The following LYST variants were observed in gnomAD, a reference collection of about 807,000 sequenced individuals.
The protein encoded by LYST is lysosomal trafficking regulator.
In LYST, 192 loss-of-function variants were observed where a neutral mutation model predicts 413.6. The observed-to-expected ratio is 0.46, with a 90% CI of 0.41 to 0.52. The LOEUF (loss-of-function observed/expected upper bound fraction) is 0.52. LYST is among the 20% of genes least tolerant of loss of function. The probability of loss-of-function intolerance (pLI) is 0.00; values close to 1 mark genes in which losing one functional copy is unlikely to be tolerated. For missense variants in LYST, 3,815 were observed against 4,499.9 expected (o/e 0.85, Z 4.35); for synonymous variants, 1,525 against 1,567.3 (o/e 0.97, Z 0.64).
intron 20 of LYST, among the ~76,000 whole-genome samples, chr1:235,769,188 T>G (rs1006512003): frequency 6.6e-6 from 1 of 152,018 alleles, no homozygotes; most frequent in Non-Finnish European, 1.5e-5. Flanking sequence ...AAGTCTTAAG[T>G]TGCCACGTGG....
chr1:235,842,508 C>A (rs1677333861), intron 1 of LYST, among the ~76,000 whole-genome samples: 1 of 152,188 alleles, frequency 6.6e-6, no homozygotes, highest in Non-Finnish European at 1.5e-5. Flanking sequence ...CCTATAATGA[C>A]AGAGATTTTG....
At chr1:235,821,876 CTT>C (rs1470888729) in intron 3 of LYST, among the ~76,000 whole-genome samples, 2 of 152,202 alleles carry the variant, frequency 1.3e-5, no homozygotes, top group Admixed American at 6.5e-5. Flanking sequence ...CCATAATACT[CTT>C]TGTTAAGACT....
At chr1:235,726,284 CTA>C (rs1430274933) in intron 38 of LYST, among the ~76,000 whole-genome samples, 1 of 151,844 alleles carries the variant, frequency 6.6e-6, no homozygotes, top group Non-Finnish European at 1.5e-5. Context: ...TTATCCTACT[CTA>C]TGTGTGTTTT....
At chr1:235,811,947 T>C (rs896784778) in intron 4 of LYST, among the ~76,000 whole-genome samples, 2 of 151,938 alleles carry the variant, frequency 1.3e-5, no homozygotes, top group Non-Finnish European at 2.9e-5. Flanking sequence ...AAACCTTAGA[T>C]ACCTCCTTAA....
intron 14 of LYST, among the ~76,000 whole-genome samples, chr1:235,785,574 T>C (rs550845111): frequency 1.3e-5 from 2 of 152,326 alleles, no homozygotes; most frequent in African/African-American, 4.8e-5. Context: ...AGATGATGTA[T>C]ATAAAGCACC....
chr1:235,834,642 T>G (rs1676364482), intron 1 of LYST, among the ~76,000 whole-genome samples: 1 of 152,208 alleles, frequency 6.6e-6, no homozygotes, highest in Admixed American at 6.5e-5. Context: ...TTCTAGGCAC[T>G]TGAAGATAAA....
At chr1:235,768,217 T>G (rs1406143069) in intron 20 of LYST, among the ~76,000 whole-genome samples, 1 of 152,124 alleles carries the variant, frequency 6.6e-6, no homozygotes, top group Non-Finnish European at 1.5e-5. Context: ...CTTATGAAAT[T>G]ATTGTTTTTC....
chr1:235,827,045 A>C (rs1675415449), intron 3 of LYST, among the ~76,000 whole-genome samples: 1 of 152,098 alleles, frequency 6.6e-6, no homozygotes, highest in Admixed American at 6.6e-5. Flanking sequence ...CTCAATAAAA[A>C]GTTTATTTAC....
chr1:235,755,403 G>GAAAAGAA, intron 25 of LYST, 75 bp downstream of exon 25: 1 of 1,242,212 alleles, frequency 8.1e-7, no homozygotes, highest in South Asian at 1.2e-5. Context: ...GAAAAGAAAA[G>GAAAAGAA]AAAAGAAAAG....
intron 52 of LYST, 146 bp downstream of exon 52, chr1:235,663,838 C>T (rs879474487): frequency 1.7e-5 from 12 of 714,680 alleles, no homozygotes; most frequent in African/African-American, 1.0e-4. Flanking sequence ...TGCTGGGTCA[C>T]GGACAACCCG....
At chr1:235,776,333 A>G (rs1669229065) in intron 17 of LYST, among the ~76,000 whole-genome samples, 1 of 152,214 alleles carries the variant, frequency 6.6e-6, no homozygotes, top group Non-Finnish European at 1.5e-5. Flanking sequence ...AAATTAATCA[A>G]CGATGCTTCC....
At chr1:235,791,210 A>G (rs981751968) in intron 12 of LYST, among the ~76,000 whole-genome samples, 1 of 152,076 alleles carries the variant, frequency 6.6e-6, no homozygotes, top group Non-Finnish European at 1.5e-5. Flanking sequence ...TGAACCTGGG[A>G]GGCGGAGGTT....
At chr1:235,750,604 T>G (rs996220699) in intron 28 of LYST, among the ~76,000 whole-genome samples, 7 of 152,216 alleles carry the variant, frequency 4.6e-5, no homozygotes, top group African/African-American at 1.7e-4. Context: ...ATCCTGTGTA[T>G]GTGGTGTTCA....
At chr1:235,858,497 A>C (rs573563044) in intron 1 of LYST, among the ~76,000 whole-genome samples, 1 of 152,258 alleles carries the variant, frequency 6.6e-6, no homozygotes. Context: ...CAGAATCTTA[A>C]ATTGAGAATT....
intron 13 of LYST, among the ~76,000 whole-genome samples, chr1:235,788,062 T>A (rs770017837): frequency 6.6e-6 from 1 of 152,198 alleles, no homozygotes; most frequent in Non-Finnish European, 1.5e-5. Context: ...ACCATTACAA[T>A]CTGATAGAAT....
intron 1 of LYST, among the ~76,000 whole-genome samples, chr1:235,847,709 C>T (rs1418758815): frequency 6.6e-6 from 1 of 152,136 alleles, no homozygotes; most frequent in Non-Finnish European, 1.5e-5. Context: ...AAAGGCATTT[C>T]ATGCAAATGG....
chr1:235,732,331 C>G (rs1325568502), intron 34 of LYST, among the ~76,000 whole-genome samples: 1 of 152,016 alleles, frequency 6.6e-6, no homozygotes, highest in Non-Finnish European at 1.5e-5. Context: ...TTGACAGGGT[C>G]TCATTCTGTT....
intron 14 of LYST, among the ~76,000 whole-genome samples, chr1:235,784,287 ATTAAC>A (rs1203752382): frequency 9.2e-5 from 14 of 152,338 alleles, no homozygotes; most frequent in Admixed American, 7.8e-4. Flanking sequence ...AACCAATGAA[ATTAAC>A]TTGTGCCAAA....
chr1:235,718,321 C>T lies in LYST; in HGVS notation c.9561-1543G>A, dbSNP rs569088140. 2.6e-5 allele frequency among the ~76,000 whole-genome samples: 4 copies of T among 152,028 alleles called. No individual in the cohort carries two copies. The South Asian group carries it at 8.3e-4, about 32-fold the overall frequency. On this transcript the variant is annotated intron_variant, in intron 40 of 52. Transcript: ENST00000389793. ...CCTAGGCCACACATGTTGGTCTATA[C>T]ACACCCAGATGTTTTTGTATTTATC...
Sources: gnomAD v4.1 joint callset for allele counts (sites outside exome capture counted in the v4.1 genomes callset) on GRCh38, gnomAD v4.1.1 for gene constraint, MANE v1.5 for transcripts, NCBI Gene and HGNC (gene_info 2026-07-23, HGNC 2026-07-21) for gene names.